The following SRGAP1 variants were observed in gnomAD, a reference collection of about 807,000 sequenced individuals.
The protein encoded by SRGAP1 is SLIT-ROBO Rho GTPase activating protein 1, also known as SLIT-ROBO Rho GTPase-activating protein 1.
Under a neutral mutation model 121.9 loss-of-function variants are expected in SRGAP1, and 43 were observed. The observed-to-expected ratio is 0.35, with a 90% CI of 0.28 to 0.46. The LOEUF is 0.46. Among genes scored for constraint, SRGAP1 ranks in the 20% least tolerant of loss-of-function variants. The probability of loss-of-function intolerance (pLI) is 1.00; values close to 1 mark genes in which losing one functional copy is unlikely to be tolerated. For missense variants in SRGAP1, 1,102 were observed against 1,350.9 expected (o/e 0.82, Z 2.89); for synonymous variants, 447 against 485.4 (o/e 0.92, Z 1.04).
rs2037060333 is a variant in SRGAP1, at chr12:64,146,884, T to C, written c.*4212T>C. ...CTTTCACTTACCCTAGTATACGTTC[T>C]TAAAAAAAAAAAAAAGTCTATGTGG... On this transcript the variant is annotated 3_prime_UTR_variant, in exon 22 of 22. Coordinates refer to ENST00000355086, the MANE Select transcript of SRGAP1 (RefSeq NM_020762.4). The C allele has an allele frequency of 9.6e-6, 1 of 104,058 alleles. No individual in the cohort carries two copies. The highest frequency in any genetic ancestry group is 3.4e-4 in the South Asian group (1 of 2,942). The allele number at this position is 104,058 out of a possible 1,614,324, so 6.4% of individuals were successfully genotyped here. A position where few individuals can be genotyped will look rare whatever the true frequency, so the allele number is the denominator to read the frequency against.
At chr12:64,129,388 T>C (rs1237070480) in intron 21 of SRGAP1, among the ~76,000 whole-genome samples, 5 of 152,132 alleles carry the variant, frequency 3.3e-5, no homozygotes. Context: ...TCTGCCTGCT[T>C]TATGTTCACT....
intron 1 of SRGAP1, among the ~76,000 whole-genome samples, chr12:63,911,297 T>TAA (rs2030486040): frequency 1.2e-5 from 1 of 83,140 alleles, no homozygotes; most frequent in African/African-American, 4.8e-5. Flanking sequence ...AGACTCTGTC[T>TAA]CAAAAAAAAA....
rs573771001 is a variant in SRGAP1 at position 64,141,843 on chromosome 12, C to G, written c.2881-452C>G. ...GCACACACCTGTGGTCCCAGCTACT[C>G]AGGAGGCTACTCAGGAGGTAGCACA... On this transcript the variant is annotated intron_variant, in intron 21 of 21. Transcript: ENST00000355086. 6.4e-4 allele frequency among the ~76,000 whole-genome samples: 98 copies of G among 152,002 alleles called. 2 individuals carry two copies. The South Asian group carries it at 0.02, about 30-fold the overall frequency.
chr12:63,953,345 A>G (rs2032355706), intron 1 of SRGAP1, among the ~76,000 whole-genome samples: 1 of 151,304 alleles, frequency 6.6e-6, no homozygotes, highest in Non-Finnish European at 1.5e-5. Context: ...TTCACTTTTT[A>G]AAGTCTCTGC....
intron 1 of SRGAP1, among the ~76,000 whole-genome samples, chr12:63,972,968 C>T (rs752747654): frequency 2.5e-4 from 38 of 151,946 alleles, no homozygotes; most frequent in Admixed American, 1.6e-3. Context: ...GCCAACATGA[C>T]AAACCTTGTC....
intron 1 of SRGAP1, among the ~76,000 whole-genome samples, chr12:63,952,855 A>T (rs2032341638): frequency 6.6e-6 from 1 of 152,176 alleles, no homozygotes; most frequent in East Asian, 1.9e-4. Flanking sequence ...TATGTTGCCC[A>T]GGCTGTTTTC....
intron 1 of SRGAP1, among the ~76,000 whole-genome samples, chr12:63,979,989 C>T (rs967782182): frequency 6.6e-6 from 1 of 152,202 alleles, no homozygotes; most frequent in African/African-American, 2.4e-5. Flanking sequence ...TAGCTGCAGC[C>T]GCCTGCGGCC....
chr12:63,911,215 C>T (rs112206892), intron 1 of SRGAP1, among the ~76,000 whole-genome samples: 13,193 of 148,728 alleles, frequency 0.089, 658 homozygotes, highest in East Asian at 0.14. Flanking sequence ...AGGAGAATGG[C>T]GTGAACCCAG....
intron 18 of SRGAP1, among the ~76,000 whole-genome samples, chr12:64,121,455 G>A (rs2036605135): frequency 6.6e-6 from 1 of 151,188 alleles, no homozygotes; most frequent in South Asian, 2.1e-4. Context: ...GGGCCTTCCT[G>A]TGTTGCCCAG....
At chr12:63,853,459 C>T (rs1224869057) in intron 1 of SRGAP1, among the ~76,000 whole-genome samples, 2 of 152,214 alleles carry the variant, frequency 1.3e-5, no homozygotes, top group Non-Finnish European at 2.9e-5. Context: ...TAACTGTATA[C>T]ATGCAATGTT....
intron 10 of SRGAP1, 81 bp from the exon 11 acceptor site, chr12:64,086,918 C>A (rs2035954591): frequency 4.0e-6 from 4 of 1,011,904 alleles, no homozygotes; most frequent in Admixed American, 4.2e-5. Flanking sequence ...TTTTAAAATA[C>A]CGGATAGGAG....
chr12:64,019,146 A>T (rs1421968532), intron 4 of SRGAP1, among the ~76,000 whole-genome samples: 1 of 152,220 alleles, frequency 6.6e-6, no homozygotes, highest in African/African-American at 2.4e-5. Context: ...GATGAACTTG[A>T]CCACTGAATA....
rs1296102262 is a variant in SRGAP1, at chr12:64,156,179, T to G, written c.*13507T>G. 1 of 152,246 alleles carries G rather than the reference T, an allele frequency of 6.6e-6. No homozygotes were observed. The highest frequency in any genetic ancestry group is 1.5e-5 in the Non-Finnish European group (1 of 68,050). The allele number at this position is 152,246 out of a possible 1,614,324, so 9.4% of individuals were successfully genotyped here. A position where few individuals can be genotyped will look rare whatever the true frequency, so the allele number is the denominator to read the frequency against. ...TACTGTTATCTTGCCTCCTTATTGC[T>G]CCACACACTTGAAATATAAATTTTT... On this transcript the variant is annotated 3_prime_UTR_variant, in exon 22 of 22. Transcript: ENST00000355086.
chr12:63,900,240 C>G (rs1900904579), intron 1 of SRGAP1, among the ~76,000 whole-genome samples: 1 of 120,302 alleles, frequency 8.3e-6, no homozygotes, highest in Non-Finnish European at 1.6e-5. Context: ...GAGCCTCGCT[C>G]TTTCACCCAG....
chr12:63,937,030 A>G (rs1476750855), intron 1 of SRGAP1, among the ~76,000 whole-genome samples: 2 of 152,182 alleles, frequency 1.3e-5, no homozygotes, highest in East Asian at 1.9e-4. Flanking sequence ...TGCCTGTTCT[A>G]TGCCCAGGTA....
intron 1 of SRGAP1, among the ~76,000 whole-genome samples, chr12:63,853,580 A>G (rs1018197291): frequency 6.6e-6 from 1 of 152,358 alleles, no homozygotes; most frequent in East Asian, 1.9e-4. Context: ...ATTAAAGATA[A>G]TCATAACCAG....
At chr12:63,871,551 A>G (rs1285577530) in intron 1 of SRGAP1, among the ~76,000 whole-genome samples, 1 of 152,188 alleles carries the variant, frequency 6.6e-6, no homozygotes, top group Non-Finnish European at 1.5e-5. Context: ...CACATTTGAC[A>G]CCTGACTCTA....
At chr12:64,051,397 G>T (rs561913967) in intron 6 of SRGAP1, among the ~76,000 whole-genome samples, 1 of 152,182 alleles carries the variant, frequency 6.6e-6, no homozygotes, top group African/African-American at 2.4e-5. Flanking sequence ...TATTACACTG[G>T]AAATCTACTA....
intron 14 of SRGAP1, among the ~76,000 whole-genome samples, chr12:64,096,844 A>G (rs2036164218): frequency 6.6e-6 from 1 of 152,208 alleles, no homozygotes; most frequent in Non-Finnish European, 1.5e-5. Flanking sequence ...GCATAGTCAG[A>G]CAGACCTATG....
Sources: allele counts gnomAD v4.1 joint callset (sites outside exome capture counted in the v4.1 genomes callset), GRCh38; gene constraint gnomAD v4.1.1; transcripts MANE v1.5; gene names NCBI Gene and HGNC (gene_info 2026-07-23, HGNC 2026-07-21).